The following PUDP variants were observed in gnomAD, a reference collection of about 807,000 sequenced individuals.
The protein encoded by PUDP is pseudouridine 5'-phosphatase, also known as pseudouridine-5'-phosphatase.
In PUDP, 8 loss-of-function variants were observed where a neutral mutation model predicts 9.4. The observed-to-expected ratio is 0.85, with a 90% confidence interval of 0.50 to 1.53. The LOEUF (loss-of-function observed/expected upper bound fraction) is 1.53. Ranked by LOEUF, PUDP falls within the 40% of genes most tolerant of loss-of-function variation. PUDP has a pLI of 0.00. For synonymous variants in PUDP, 99 were observed against 80.7 expected, an observed-to-expected ratio of 1.23 and a Z score of -1.22; for missense variants, 188 against 189.7, an observed-to-expected ratio of 0.99 and a Z score of 0.05.
chrX:7,017,043 T>C (rs764291237), intron 1 of PUDP, among the ~76,000 whole-genome samples: 3 of 111,893 alleles, frequency 2.7e-5, no homozygotes, highest in African/African-American at 9.8e-5. Flanking sequence ...ACAGCAAACA[T>C]TCTTTTTGAA....
intron 3 of PUDP, among the ~76,000 whole-genome samples, chrX:6,790,199 C>T (rs1261272720): frequency 9.0e-6 from 1 of 111,101 alleles, no homozygotes; most frequent in African/African-American, 3.3e-5. Flanking sequence ...TAATGACATA[C>T]AAACATACAT....
chrX:6,914,135 C>A (rs1043445886), intron 3 of PUDP, among the ~76,000 whole-genome samples: 1 of 96,964 alleles, frequency 1.0e-5, no homozygotes, highest in Admixed American at 1.2e-4. Flanking sequence ...CCACTGCACT[C>A]CAGCCTGGGT....
At chrX:6,869,511 T>A (rs965546660) in intron 3 of PUDP, among the ~76,000 whole-genome samples, 2 of 111,884 alleles carry the variant, frequency 1.8e-5, no homozygotes, top group African/African-American at 6.5e-5. Flanking sequence ...CCTTACAGCA[T>A]GGCAGCTTCT....
At chrX:6,987,717 C>T (rs1929122250) in intron 1 of PUDP, among the ~76,000 whole-genome samples, 1 of 112,179 alleles carries the variant, frequency 8.9e-6, no homozygotes, top group South Asian at 3.7e-4. Context: ...CCTGCTGCAG[C>T]TGCAGAATTG....
intron 1 of PUDP, among the ~76,000 whole-genome samples, chrX:7,010,086 T>A (rs772240075): frequency 8.9e-6 from 1 of 111,928 alleles, no homozygotes; most frequent in East Asian, 2.8e-4. Context: ...CAGCCACAAT[T>A]CGTCCCAGCA....
chrX:6,936,761 T>A, intron 3 of PUDP, among the ~76,000 whole-genome samples: 1 of 88,985 alleles, frequency 1.1e-5, no homozygotes, highest in Middle Eastern at 5.7e-3. Flanking sequence ...AAAATCTCCT[T>A]AAGCTGATAA....
chrX:7,066,874 TAAAC>T (rs922322250), intron 3 of PUDP, among the ~76,000 whole-genome samples: 17 of 111,856 alleles, frequency 1.5e-4, no homozygotes, highest in African/African-American at 5.2e-4. Context: ...CACACACACA[TAAAC>T]ACACACACGT....
At chrX:7,039,733 A>G (rs547717914) in intron 1 of PUDP, among the ~76,000 whole-genome samples, 1 of 112,609 alleles carries the variant, frequency 8.9e-6, no homozygotes, top group Non-Finnish European at 1.9e-5. Flanking sequence ...GCTGCCCAAG[A>G]AGCCTAATGG....
At chrX:6,802,605 T>C (rs917544663) in intron 3 of PUDP, among the ~76,000 whole-genome samples, 30 of 110,426 alleles carry the variant, frequency 2.7e-4, no homozygotes, top group African/African-American at 9.6e-4. Context: ...GCTGGAGGGC[T>C]GGGTGCGGTG....
intron 3 of PUDP, among the ~76,000 whole-genome samples, chrX:6,811,085 T>C (rs1926136510): frequency 8.9e-6 from 1 of 111,751 alleles, no homozygotes; most frequent in South Asian, 3.7e-4. Flanking sequence ...CCCTTGCTGC[T>C]CTTACTCATA....
At chrX:6,870,052 C>A (rs1927150301) in intron 3 of PUDP, among the ~76,000 whole-genome samples, 1 of 110,314 alleles carries the variant, frequency 9.1e-6, no homozygotes, top group African/African-American at 3.3e-5. Context: ...ATTTGGTCTA[C>A]CCATACAGTA....
intron 1 of PUDP, among the ~76,000 whole-genome samples, chrX:6,978,406 T>A (rs1208891030): frequency 1.8e-5 from 2 of 112,236 alleles, no homozygotes; most frequent in Non-Finnish European, 3.7e-5. Context: ...CTATTTGTAT[T>A]CATTTTTCCC....
chrX:6,833,251 G>A (rs955761029), intron 3 of PUDP, among the ~76,000 whole-genome samples: 2 of 108,343 alleles, frequency 1.8e-5, no homozygotes, highest in Admixed American at 1.9e-4. Flanking sequence ...TAGGTAGGTA[G>A]ATGGATGGAT....
rs145032854 is a variant in PUDP, at chrX:6,763,635, T to G, written c.*248-57169A>C. On this transcript the variant is annotated intron_variant and NMD_transcript_variant, in intron 3 of 3. Coordinates refer to the PUDP transcript ENST00000655425. ...CATGACCTCTGTTTATATCAAAACT[T>G]GGTTAAACGCTTCCCTATCATTGAG... Among the ~76,000 whole-genome samples, 815 of 111,548 alleles carry G rather than the reference T, an allele frequency of 7.3e-3. 12 individuals carry two copies. Among genetic ancestry groups the G allele is most frequent in the African/African-American group, 0.025 (769 of 30,727 alleles).
chrX:6,974,997 C>T (rs577037211), intron 3 of PUDP, among the ~76,000 whole-genome samples: 4 of 108,608 alleles, frequency 3.7e-5, no homozygotes, highest in Middle Eastern at 4.7e-3. Context: ...TCTGCTTGAT[C>T]GATTCGGCTA....
At chrX:6,890,547 A>G (rs1927497068) in intron 3 of PUDP, among the ~76,000 whole-genome samples, 1 of 111,264 alleles carries the variant, frequency 9.0e-6, no homozygotes, top group Non-Finnish European at 1.9e-5. Context: ...ACCTAAAACA[A>G]GTATCCTTTT....
chrX:7,009,644 T>C (rs761903315), intron 1 of PUDP, among the ~76,000 whole-genome samples: 7 of 111,080 alleles, frequency 6.3e-5, no homozygotes, highest in Non-Finnish European at 1.3e-4. Flanking sequence ...ATCATTGGTA[T>C]GGTGATGTTA....
rs1292464259 is a variant in PUDP at position 7,105,624 on chromosome X, C to T, written c.276G>A (p.Met92Ile). 1.7e-6 allele frequency: 2 copies of T among 1,200,389 alleles called. No individual in the cohort carries two copies. Among genetic ancestry groups the T allele is most frequent in the Admixed American group, 2.2e-5 (1 of 44,979 alleles). ...LKEVFPTAALMPGAEKLIIHL... is the reference protein window; with the variant it reads ...LKEVFPTAALIPGAEKLIIHL... ...CAAACAGCGAGGCAACCGCACCTGG[C>T]ATGAGCGCAGCCGTGGGGAACACTT... Residue 92 changes from methionine to isoleucine, a missense_variant, in exon 2 of 4, where the codon ATG becomes ATA. Transcript: ENST00000381077.
intron 1 of PUDP, among the ~76,000 whole-genome samples, chrX:7,112,630 GAC>G (rs1196103422): frequency 8.9e-6 from 1 of 112,082 alleles, no homozygotes; most frequent in Non-Finnish European, 1.9e-5. Flanking sequence ...GTCACAATCT[GAC>G]AGTTATGAAG....
Sources: gnomAD v4.1 joint callset for allele counts (sites outside exome capture counted in the v4.1 genomes callset) on GRCh38, gnomAD v4.1.1 for gene constraint, MANE v1.5 for transcripts, NCBI Gene and HGNC (gene_info 2026-07-23, HGNC 2026-07-21) for gene names.